Variants in PHF14 observed in about 807,000 individuals in gnomAD.
The protein encoded by PHF14 is PHD finger protein 14.
Under a neutral mutation model 117.9 loss-of-function variants are expected in PHF14, and 55 were observed. The ratio of observed to expected loss-of-function variants is 0.47; its 90% confidence interval spans 0.38 to 0.58. The LOEUF is 0.58. PHF14 is among the 20% of genes least tolerant of loss of function. The pLI is 0.00. For missense variants in PHF14, 978 were observed against 1,122.2 expected (o/e 0.87, Z 1.84); for synonymous variants, 409 against 368.6 (o/e 1.11, Z -1.26).
intron 6 of PHF14, among the ~76,000 whole-genome samples, chr7:11,024,327 G>C (rs557602602): frequency 6.6e-6 from 1 of 152,328 alleles, no homozygotes; most frequent in South Asian, 2.1e-4. Context: ...AGATGCAGCA[G>C]GTACTGATGG....
intron 13 of PHF14, among the ~76,000 whole-genome samples, chr7:11,047,676 A>G (rs1156749405): frequency 6.6e-6 from 1 of 150,644 alleles, no homozygotes; most frequent in African/African-American, 2.4e-5. Flanking sequence ...AATCCCTGCT[A>G]CTCAGGAGGC....
At chr7:11,121,457 C>T (rs1028810429) in intron 17 of PHF14, among the ~76,000 whole-genome samples, 12 of 152,118 alleles carry the variant, frequency 7.9e-5, no homozygotes, top group African/African-American at 2.9e-4. Flanking sequence ...GTAGCCTCCC[C>T]CCACTGCCTA....
At position 11,157,790 on chromosome 7, in the gene PHF14, T is replaced by C. The variant is rs561730265; in HGVS notation, c.2773-11626T>C. ...GCTGGCAGTAAATACTCATTTATAG[T>C]GTGGAGTCTGTAATGAGCTGAAATC... On this transcript the variant is annotated intron_variant, in intron 17 of 17. Coordinates refer to ENST00000634607, the MANE Select transcript of PHF14 (RefSeq NM_001007157.2). Among the ~76,000 whole-genome samples the C allele has an allele frequency of 7.2e-4, 109 of 152,304 alleles. 4 individuals are homozygous for C. The South Asian group carries it at 0.023, about 32-fold the overall frequency.
chr7:11,023,067 C>A, intron 6 of PHF14, 88 bp downstream of exon 6: 1 of 601,822 alleles, frequency 1.7e-6, no homozygotes, highest in Non-Finnish European at 2.9e-6. Context: ...ATGTTGACTG[C>A]AGAAATGCTT....
chr7:11,098,017 A>G (rs1399238776), intron 16 of PHF14, among the ~76,000 whole-genome samples: 2 of 152,172 alleles, frequency 1.3e-5, no homozygotes, highest in African/African-American at 4.8e-5. Context: ...CCTTTAAAAA[A>G]GTCTTTTTTA....
intron 16 of PHF14, chr7:11,063,569 G>A (rs748603136): frequency 7.7e-5 from 75 of 968,124 alleles, no homozygotes; most frequent in Middle Eastern, 5.3e-4. Context: ...ATTTGAACCT[G>A]TATGAGTATC....
chr7:11,017,224 T>G (rs967326522), intron 5 of PHF14, among the ~76,000 whole-genome samples: 1 of 152,204 alleles, frequency 6.6e-6, no homozygotes, highest in South Asian at 2.1e-4. Flanking sequence ...AGTGCAGATA[T>G]CTCTTTAATG....
chr7:11,102,588 T>A, intron 16 of PHF14: 2 of 1,591,010 alleles, frequency 1.3e-6, no homozygotes, highest in Non-Finnish European at 1.7e-6. Flanking sequence ...AAACTCTCGA[T>A]AGAGTACATA....
chr7:11,014,905 A>G (rs548282449), intron 5 of PHF14: 2 of 150,076 alleles, frequency 1.3e-5, no homozygotes. Context: ...TTTTTTTTAC[A>G]GGAGACTACC....
intron 4 of PHF14, among the ~76,000 whole-genome samples, chr7:11,001,203 A>C (rs563633583): frequency 3.3e-5 from 5 of 152,090 alleles, no homozygotes; most frequent in African/African-American, 1.2e-4. Flanking sequence ...TCAGTTGACT[A>C]TATTTCTTTG....
intron 16 of PHF14, chr7:11,106,652 C>G (rs1456620357): frequency 1.0e-6 from 1 of 982,082 alleles, no homozygotes; most frequent in African/African-American, 1.8e-5. Flanking sequence ...TGAAAGAACT[C>G]ATCGCTACCT....
chr7:11,041,797 A>G (rs768965881), intron 12 of PHF14, among the ~76,000 whole-genome samples: 1 of 151,310 alleles, frequency 6.6e-6, no homozygotes, highest in Non-Finnish European at 1.5e-5. Flanking sequence ...ATATATTTTA[A>G]GTGATTTTTC....
chr7:11,102,607 G>C, intron 16 of PHF14: 1 of 1,569,752 alleles, frequency 6.4e-7, no homozygotes, highest in Non-Finnish European at 8.6e-7. Context: ...TAAAGTAAAG[G>C]AGAACAGCTA....
chr7:11,066,308 A>G (rs564650664), intron 16 of PHF14, among the ~76,000 whole-genome samples: 2 of 152,312 alleles, frequency 1.3e-5, no homozygotes, highest in South Asian at 2.1e-4. Flanking sequence ...CACTCAGGCT[A>G]GAGTGCAGTG....
At chr7:11,043,307 G>T (rs1393770409) in intron 13 of PHF14, among the ~76,000 whole-genome samples, 1 of 151,410 alleles carries the variant, frequency 6.6e-6, no homozygotes, top group Non-Finnish European at 1.5e-5. Context: ...ATTAACTTAG[G>T]CATATCGAAT....
At chr7:11,071,287 A>G (rs1583434981) in intron 16 of PHF14, 1 of 518,454 alleles carries the variant, frequency 1.9e-6, no homozygotes, top group East Asian at 5.4e-5. Context: ...TTACCTGTTT[A>G]TTTACATTTG....
At chr7:11,167,268 A>C (rs953094464) in intron 17 of PHF14, among the ~76,000 whole-genome samples, 5 of 152,172 alleles carry the variant, frequency 3.3e-5, no homozygotes, top group Non-Finnish European at 7.3e-5. Flanking sequence ...TTTCTTTTAT[A>C]AATTAAAGGG....
At chr7:11,138,694 A>G (rs532869823) in intron 17 of PHF14, among the ~76,000 whole-genome samples, 5 of 152,344 alleles carry the variant, frequency 3.3e-5, no homozygotes, top group South Asian at 2.1e-4. Context: ...CAAGTTCTTT[A>G]AAGAGAAAAG....
chr7:11,083,341 T>TA (rs1786227428), intron 16 of PHF14, among the ~76,000 whole-genome samples: 1 of 152,120 alleles, frequency 6.6e-6, no homozygotes, highest in Non-Finnish European at 1.5e-5. Flanking sequence ...ATTCCTCACT[T>TA]ATATTGTGCT....
Sources: allele counts gnomAD v4.1 joint callset (sites outside exome capture counted in the v4.1 genomes callset), GRCh38; gene constraint gnomAD v4.1.1; transcripts MANE v1.5; gene names NCBI Gene and HGNC (gene_info 2026-07-23, HGNC 2026-07-21).